CDH4: variants seen among roughly 807,000 people sequenced by gnomAD.
CDH4 encodes cadherin 4.
Under a neutral mutation model 86.0 loss-of-function variants are expected in CDH4, and 33 were observed. That is an observed-to-expected ratio of 0.38 (90% CI 0.29 to 0.51). CDH4 has a LOEUF of 0.51. CDH4 is among the 20% of genes least tolerant of loss of function. The pLI, the probability that CDH4 is intolerant of heterozygous loss-of-function variation, is 0.86. For synonymous variants in CDH4, 555 were observed against 549.4 expected (o/e 1.01, Z -0.14); for missense variants, 1,114 against 1,307.4 (o/e 0.85, Z 2.28).
intron 4 of CDH4, among the ~76,000 whole-genome samples, chr20:61,797,909 G>A (rs1389709939): frequency 1.3e-5 from 2 of 152,230 alleles, no homozygotes; most frequent in Non-Finnish European, 2.9e-5. Context: ...TGCAGGACAC[G>A]GACCGCAGGT....
At chr20:61,909,155 C>T (rs888477402) in intron 8 of CDH4, among the ~76,000 whole-genome samples, 5 of 152,192 alleles carry the variant, frequency 3.3e-5, no homozygotes, top group Middle Eastern at 3.2e-3. Flanking sequence ...GCTTCCCACC[C>T]GGGGACACTC....
intron 2 of CDH4, among the ~76,000 whole-genome samples, chr20:61,323,172 A>G (rs1332671621): frequency 2.0e-5 from 3 of 152,154 alleles, no homozygotes; most frequent in Non-Finnish European, 4.4e-5. Flanking sequence ...GGGTCTTCTG[A>G]GAGTCAGCTG....
At chr20:61,575,034 G>A (rs1291140798) in intron 2 of CDH4, among the ~76,000 whole-genome samples, 5 of 152,202 alleles carry the variant, frequency 3.3e-5, no homozygotes, top group Non-Finnish European at 4.4e-5. Context: ...GTCTGAGCTC[G>A]GGGTTTTGTT....
At position 61,517,275 on chromosome 20, in the gene CDH4, C is replaced by T. The variant is rs557065388; in HGVS notation, c.170-226288C>T. 3.2e-4 allele frequency among the ~76,000 whole-genome samples: 48 copies of T among 152,338 alleles called. No individual in the cohort carries two copies. Among genetic ancestry groups the T allele is most frequent in the African/African-American group, 9.4e-4 (39 of 41,580 alleles). ...TGGCGCAGTCACAACCCACGGCAGC[C>T]GCCAACTCCTGGGCTCAAGCGATCC... is the stretch of plus-strand genomic sequence containing the variant. On this transcript the variant is annotated intron_variant, in intron 2 of 15. Coordinates refer to ENST00000614565, the MANE Select transcript of CDH4 (RefSeq NM_001794.5). This position sits in a 1 kb window ranked among gnomAD's most constrained non-coding sequence, Gnocchi z 6.6.
chr20:61,506,259 ACT>A (rs906138593), intron 2 of CDH4, among the ~76,000 whole-genome samples: 2 of 152,160 alleles, frequency 1.3e-5, no homozygotes, highest in African/African-American at 4.8e-5. Flanking sequence ...AAAAAACAAA[ACT>A]CTAGACAATT....
chr20:61,258,502 C>G (rs1390588932), intron 2 of CDH4, among the ~76,000 whole-genome samples: 1 of 152,178 alleles, frequency 6.6e-6, no homozygotes, highest in African/African-American at 2.4e-5. Flanking sequence ...ATTATCTGGC[C>G]AATCATCTCT....
rs111314078 is a variant in CDH4, at chr20:61,466,695, T to TA, written c.169+211765dup. Among the ~76,000 whole-genome samples the TA allele has an allele frequency of 7.0e-3, 1,069 of 151,956 alleles. 11 individuals are homozygous for TA. Among genetic ancestry groups the TA allele is most frequent in the African/African-American group, 0.024 (1,002 of 41,384 alleles). ...TCTGCCCCTACCTATACAAAAGTAT[T>TA]AAAAAAATAGCTGGGCATGGTGGCA... On this transcript the variant is annotated intron_variant, in intron 2 of 15. Transcript: ENST00000614565.
intron 2 of CDH4, among the ~76,000 whole-genome samples, chr20:61,571,117 T>C (rs1395575167): frequency 2.0e-5 from 3 of 152,168 alleles, no homozygotes; most frequent in East Asian, 3.9e-4. Context: ...TCGGCGTGGC[T>C]GTGTGAATAA....
intron 2 of CDH4, among the ~76,000 whole-genome samples, chr20:61,495,921 AAAG>A (rs2085658808): frequency 6.6e-6 from 1 of 151,360 alleles, no homozygotes; most frequent in Non-Finnish European, 1.5e-5. Context: ...AAAAAAAAAA[AAAG>A]AGTCTAGTGC....
At chr20:61,373,510 A>T (rs1449421571) in intron 2 of CDH4, among the ~76,000 whole-genome samples, 1 of 152,234 alleles carries the variant, frequency 6.6e-6, no homozygotes, top group Non-Finnish European at 1.5e-5. Context: ...CTCATAATGA[A>T]TGTCGTCCTG....
At chr20:61,659,270 C>T (rs1286030779) in intron 2 of CDH4, among the ~76,000 whole-genome samples, 3 of 151,774 alleles carry the variant, frequency 2.0e-5, no homozygotes, top group African/African-American at 2.4e-5. Context: ...AACTCTAGGG[C>T]AACCACTAAA....
Position 61,565,086 on chromosome 20 carries a change from G to GTGC in CDH4, c.170-178475_170-178473dup, listed in dbSNP as rs1568687973. ...CTTGGTGGTGGTGGTGGTGGTGGTG[G>GTGC]TGCTCTTGGTGGTGCTCTTGGTGGT... On this transcript the variant is annotated intron_variant, in intron 2 of 15. Transcript: ENST00000614565. 5.5e-5 allele frequency among the ~76,000 whole-genome samples: 6 copies of GTGC among 108,658 alleles called. No homozygotes were observed. The East Asian group carries it at 1.0e-3, about 18-fold the overall frequency. 71.3% of individuals were successfully genotyped at this position (108,658 alleles called of 152,430 possible). A position where few individuals can be genotyped will look rare whatever the true frequency, so the allele number is the denominator to read the frequency against.
intron 3 of CDH4, among the ~76,000 whole-genome samples, chr20:61,765,859 C>T (rs1254991757): frequency 6.6e-6 from 1 of 152,112 alleles, no homozygotes; most frequent in Non-Finnish European, 1.5e-5. Flanking sequence ...CCCACCCCTT[C>T]CAGCAGCCCC....
Position 61,565,230 on chromosome 20 carries a change from G to GTGGTGGTCCTCT in CDH4, c.170-178326_170-178325insCCTCTTGGTGGT, listed in dbSNP as rs2086269982. 1.3e-4 allele frequency among the ~76,000 whole-genome samples: 4 copies of GTGGTGGTCCTCT among 30,622 alleles called. 1 individual carries two copies. Among genetic ancestry groups the GTGGTGGTCCTCT allele is most frequent in the South Asian group, 1.3e-3 (1 of 762 alleles). 20.1% of individuals were successfully genotyped at this position (30,622 alleles called of 152,430 possible). A position where few individuals can be genotyped will look rare whatever the true frequency, so the allele number is the denominator to read the frequency against. ...GCGGTGCTCTCGGTGGTAGGTGGTG[G>GTGGTGGTCCTCT]TGGTGGTGGTGGCGGTGCTCTTGGT... is the stretch of plus-strand genomic sequence containing the variant. On this transcript the variant is annotated intron_variant, in intron 2 of 15. Transcript: ENST00000614565.
At chr20:61,779,948 C>A (rs960714467) in intron 4 of CDH4, among the ~76,000 whole-genome samples, 1 of 152,222 alleles carries the variant, frequency 6.6e-6, no homozygotes, top group African/African-American at 2.4e-5. Context: ...ATAATTAGCA[C>A]GGAGTCCACC....
chr20:61,544,552 G>A lies in CDH4; in HGVS notation c.170-199011G>A, dbSNP rs1350011264. Among the ~76,000 whole-genome samples the A allele has an allele frequency of 6.6e-6, 1 of 151,770 alleles. No individual in the cohort carries two copies. The highest frequency in any genetic ancestry group is 1.5e-5 in the Non-Finnish European group (1 of 67,976). On this transcript the variant is annotated intron_variant, in intron 2 of 15. Coordinates refer to ENST00000614565, the MANE Select transcript of CDH4 (RefSeq NM_001794.5). This position sits in a 1 kb window ranked among gnomAD's most constrained non-coding sequence, Gnocchi z 6.5. ...CATGCAATGGCAGCCGCCAAGCAGA[G>A]ACGGTGACGGGATCCCTGCGTTGAC...
At chr20:61,520,200 C>G (rs1321816604) in intron 2 of CDH4, among the ~76,000 whole-genome samples, 1 of 152,184 alleles carries the variant, frequency 6.6e-6, no homozygotes, top group Non-Finnish European at 1.5e-5. Flanking sequence ...GTCTCCAAGG[C>G]GGGGTGATAG....
chr20:61,371,433 G>A (rs1213944544), intron 2 of CDH4, among the ~76,000 whole-genome samples: 2 of 152,234 alleles, frequency 1.3e-5, no homozygotes, highest in African/African-American at 4.8e-5. Context: ...GGTAAGAAGT[G>A]TCAGACGCTG....
In CDH4 at chr20:61,859,365, C is replaced by T. The variant is rs79173984; in HGVS notation, c.877+6467C>T. Among the ~76,000 whole-genome samples the T allele has an allele frequency of 2.0e-3, 302 of 152,306 alleles. 1 individual carries two copies. The highest frequency in any genetic ancestry group is 6.7e-3 in the African/African-American group (277 of 41,558). ...CAGTAACTTGTCTTCCATCCTCCCC[C>T]CAGGGTCTTTGCGAGCGAAAGTGTT... is the stretch of plus-strand genomic sequence containing the variant. On this transcript the variant is annotated intron_variant, in intron 6 of 15. Transcript: ENST00000614565.
Sources: gnomAD v4.1 joint callset for allele counts (sites outside exome capture counted in the v4.1 genomes callset) on GRCh38, gnomAD v4.1.1 for gene constraint, Gnocchi (gnomAD v3.1) non-coding constraint, MANE v1.5 for transcripts, NCBI Gene and HGNC (gene_info 2026-07-23, HGNC 2026-07-21) for gene names.